The following RNF213 variants were observed in gnomAD, a reference collection of about 807,000 sequenced individuals.
The protein encoded by RNF213 is ring finger protein 213, also known as E3 ubiquitin-protein ligase RNF213.
A neutral mutation model predicts 514.4 loss-of-function variants in RNF213; 341 were observed. The ratio of observed to expected loss-of-function variants is 0.66; its 90% CI spans 0.61 to 0.73. RNF213 has a LOEUF of 0.73. RNF213 is among the 30% of genes least tolerant of loss of function. The pLI, the probability that RNF213 is intolerant of heterozygous loss-of-function variation, is 0.00. For missense variants in RNF213, 5,767 were observed against 6,615.6 expected (o/e 0.87, Z 4.45); for synonymous variants, 2,655 against 2,658.2 (o/e 1.00, Z 0.04).
At position 80,307,217 on chromosome 17, in the gene RNF213, G is replaced by A. The variant is rs1212846862; in HGVS notation, c.2501+16G>A. 1.9e-6 allele frequency: 3 copies of A among 1,613,114 alleles called. No individual in the cohort carries two copies. Among genetic ancestry groups the A allele is most frequent in the East Asian group, 2.2e-5 (1 of 44,872 alleles). On this transcript the variant is annotated intron_variant, in intron 13 of 67. Coordinates refer to ENST00000582970, the MANE Select transcript of RNF213 (RefSeq NM_001256071.3). ...ACCGGGACAAGTAAGTGGAAAGCACGATGCAGTCTCTCCCTCACATGCGGC... is the reference window on the plus strand; with the variant it reads ...ACCGGGACAAGTAAGTGGAAAGCACAATGCAGTCTCTCCCTCACATGCGGC...
Position 80,331,963 on chromosome 17 carries a change from G to C in RNF213, c.3518-43G>C, listed in dbSNP as rs1478239112. 2.0e-6 allele frequency: 3 copies of C among 1,516,016 alleles called. No individual in the cohort carries two copies. In the Admixed American group the frequency reaches 6.1e-5, roughly 31 times the overall value. The allele number at this position is 1,516,016 out of a possible 1,614,324, so 93.9% of individuals were successfully genotyped here. ...GGAAAGTGAAATAAAATGGAATCAT[G>C]ATTAGAGCTTTGACTTCTGACACTT... is the stretch of plus-strand genomic sequence containing the variant. On this transcript the variant is annotated intron_variant, in intron 20 of 67. Transcript: ENST00000582970.
chr17:80,364,086 C>A (rs2079159682), intron 41 of RNF213, among the ~76,000 whole-genome samples: 1 of 152,126 alleles, frequency 6.6e-6, no homozygotes, highest in Non-Finnish European at 1.5e-5. Context: ...AGAAAGGACA[C>A]CCCGGGCGGG....
chr17:80,381,440 C>T (rs2144598386), intron 56 of RNF213, 107 bp from the exon 57 acceptor site: 1 of 1,213,012 alleles, frequency 8.2e-7, no homozygotes, highest in Middle Eastern at 1.9e-4. Flanking sequence ...TTAGAAACCG[C>T]CTTCCGACTC....
In RNF213 at chr17:80,344,707, T is replaced by A; in HGVS notation, c.6372T>A (p.Leu2124=). Residue 2124 remains leucine (L), a synonymous_variant, in exon 29 of 68, where the codon CTT becomes CTA. Coordinates refer to ENST00000582970, the MANE Select transcript of RNF213 (RefSeq NM_001256071.3). ...LRTRVPQFSF[L]DIFPKVTCRP... ...CACGTGTACCCCAGTTCAGTTTTCTTGACATCTTCCCAAAAGTCACCTGCA... is the reference window on the plus strand; with the variant it reads ...CACGTGTACCCCAGTTCAGTTTTCTAGACATCTTCCCAAAAGTCACCTGCA... 6.2e-7 allele frequency: 1 copy of A among 1,614,114 alleles called. No individual in the cohort carries two copies. Among genetic ancestry groups the A allele is most frequent in the African/African-American group, 1.3e-5 (1 of 74,988 alleles).
At chr17:80,272,532 A>G (rs900214458) in intron 2 of RNF213, among the ~76,000 whole-genome samples, 4 of 152,190 alleles carry the variant, frequency 2.6e-5, no homozygotes, top group Admixed American at 6.5e-5. Flanking sequence ...CAAGCCTCTC[A>G]AGAGTAAACC....
chr17:80,326,844 T>C (rs1312587200), intron 18 of RNF213, among the ~76,000 whole-genome samples: 1 of 152,258 alleles, frequency 6.6e-6, no homozygotes, highest in Non-Finnish European at 1.5e-5. Flanking sequence ...TTGCAATGAT[T>C]AGTAAAGCTA....
rs1396421246 is a variant in RNF213 at position 80,347,283 on chromosome 17, T to TAAG, written c.8948_8949insAAG (p.Val2983_Leu2984insSer). On this transcript the variant is annotated inframe_insertion, in exon 29 of 68. Coordinates refer to ENST00000582970, the MANE Select transcript of RNF213 (RefSeq NM_001256071.3). The surrounding 1 kb of genome is among the most constrained non-coding windows in gnomAD (Gnocchi z 7.2). Reference sequence around the variant, plus strand: ...TCCCCGCAAGACATTGCACAGGCTGTCCTTAGGAACTTCAGTGGCAAGGAT... The same window carrying TAAG: ...TCCCCGCAAGACATTGCACAGGCTGTAAGCCTTAGGAACTTCAGTGGCAAGGAT... The TAAG allele has an allele frequency of 1.2e-6, 2 of 1,613,734 alleles. No homozygotes were observed. The highest frequency in any genetic ancestry group is 1.7e-6 in the Non-Finnish European group (2 of 1,179,982).
rs1331043931 is a variant in RNF213, at chr17:80,317,657, A to T, written c.2901+380A>T. ...AGCTGCTTTGGGAGCTGGCAGGAGCAAGCTCCGTGCAGGCCCTGCAGCAGT... is the reference window on the plus strand; with the variant it reads ...AGCTGCTTTGGGAGCTGGCAGGAGCTAGCTCCGTGCAGGCCCTGCAGCAGT... On this transcript the variant is annotated intron_variant, in intron 16 of 67. Coordinates refer to ENST00000582970, the MANE Select transcript of RNF213 (RefSeq NM_001256071.3). This position sits in a 1 kb window ranked among gnomAD's most constrained non-coding sequence, Gnocchi z 4.1. Among the ~76,000 whole-genome samples, 1 of 152,154 alleles carries T rather than the reference A, an allele frequency of 6.6e-6. No homozygotes were observed. Among genetic ancestry groups the T allele is most frequent in the Non-Finnish European group, 1.5e-5 (1 of 68,026 alleles).
At chr17:80,378,734 G>C (rs977832554) in intron 54 of RNF213, among the ~76,000 whole-genome samples, 9 of 152,176 alleles carry the variant, frequency 5.9e-5, no homozygotes, top group African/African-American at 1.7e-4. Context: ...CGCTGAAATA[G>C]AGTCTATCCA....
chr17:80,397,800 A>G lies in RNF213; in HGVS notation c.*4302A>G, dbSNP rs962702117. On this transcript the variant is annotated 3_prime_UTR_variant, in exon 68 of 68. Transcript: ENST00000582970. ...TGCTACATTTCTTGGTTCCCTGACC[A>G]GGAATCTAGGTGATTAATGGATGGT... is the stretch of plus-strand genomic sequence containing the variant. 3 of 150,890 alleles carry G rather than the reference A, an allele frequency of 2.0e-5. No homozygotes were observed. Among genetic ancestry groups the G allele is most frequent in the Non-Finnish European group, 2.9e-5 (2 of 67,896 alleles). 9.3% of individuals were successfully genotyped at this position (150,890 alleles called of 1,614,324 possible). A position where few individuals can be genotyped will look rare whatever the true frequency, so the allele number is the denominator to read the frequency against.
chr17:80,368,158 C>A lies in RNF213; in HGVS notation c.12155+15C>A, dbSNP rs756045275. The stretch of plus-strand genomic sequence containing the variant: ...CAAGCGCACAGGTACAACACCCTTT[C>A]TCTCAAGAAAGCATCCTTTTTTTCA... On this transcript the variant is annotated intron_variant, in intron 44 of 67. Transcript: ENST00000582970. The A allele has an allele frequency of 1.2e-6, 2 of 1,613,546 alleles. No homozygotes were observed. Among genetic ancestry groups the A allele is most frequent in the South Asian group, 2.2e-5 (2 of 91,076 alleles).
chr17:80,368,586 C>T (rs2079377549), intron 44 of RNF213, among the ~76,000 whole-genome samples: 1 of 152,080 alleles, frequency 6.6e-6, no homozygotes, highest in Non-Finnish European at 1.5e-5. Context: ...GCATGCACCA[C>T]CATGCCCGGC....
intron 1 of RNF213, among the ~76,000 whole-genome samples, chr17:80,262,369 G>A (rs780106402): frequency 6.6e-6 from 1 of 152,218 alleles, no homozygotes; most frequent in Non-Finnish European, 1.5e-5. Context: ...GACTGCAGAA[G>A]ACAGATGATT....
intron 17 of RNF213, chr17:80,320,776 A>G (rs566565684): frequency 2.0e-5 from 3 of 152,302 alleles, no homozygotes; most frequent in Admixed American, 2.0e-4. Context: ...GGAGTTCAAG[A>G]CAAGCCTGGG....
chr17:80,294,713 C>T lies in RNF213; in HGVS notation c.1472-7C>T, dbSNP rs774079214. ...AGGTAGGCTCTTGTTCCTTCTGTCC[C>T]TCTTAGACTGGCATCAGTACTATGA... On this transcript the variant is annotated splice_region_variant and splice_polypyrimidine_tract_variant and intron_variant, in intron 8 of 67. Coordinates refer to ENST00000582970, the MANE Select transcript of RNF213 (RefSeq NM_001256071.3). The T allele has an allele frequency of 1.2e-6, 2 of 1,613,778 alleles. No homozygotes were observed. The highest frequency in any genetic ancestry group is 8.5e-7 in the Non-Finnish European group (1 of 1,180,042).
At chr17:80,299,528 G>C (rs2045095300) in intron 11 of RNF213, among the ~76,000 whole-genome samples, 2 of 141,534 alleles carry the variant, frequency 1.4e-5, no homozygotes, top group Non-Finnish European at 3.1e-5. Context: ...AATATTACCA[G>C]AGAAAGTTTA....
rs747005197 is a variant in RNF213, at chr17:80,345,175, C to G, written c.6840C>G (p.Thr2280=). 3 of 1,614,016 alleles carry G rather than the reference C, an allele frequency of 1.9e-6. No homozygotes were observed. Among genetic ancestry groups the G allele is most frequent in the Non-Finnish European group, 2.5e-6 (3 of 1,180,040 alleles). ...AAAGCCCGGGGAAGCACATGGTCACCATGGATGGGGTTAGGGAAGAAGATC... is the reference window on the plus strand; with the variant it reads ...AAAGCCCGGGGAAGCACATGGTCACGATGGATGGGGTTAGGGAAGAAGATC... The part of the protein sequence containing the change: ...SDQSPGKHMV[T]MDGVREEDLA... The change falls in exon 29 of 68, where the codon ACC becomes ACG. Residue 2280 remains threonine (T), a synonymous_variant. Coordinates refer to ENST00000582970, the MANE Select transcript of RNF213 (RefSeq NM_001256071.3). This position sits in a 1 kb window ranked among gnomAD's most constrained non-coding sequence, Gnocchi z 6.0.
At chr17:80,328,228 C>G in intron 19 of RNF213, 100 bp from the exon 20 acceptor site, 1 of 1,360,594 alleles carries the variant, frequency 7.3e-7, no homozygotes, top group Non-Finnish European at 9.8e-7. Context: ...CCTAGTCCTT[C>G]TCCTGGTGGC....
In RNF213 at chr17:80,368,075, G is replaced by C; in HGVS notation, c.12087G>C (p.Gln4029His). 6.2e-7 allele frequency: 1 copy of C among 1,614,288 alleles called. No homozygotes were observed. Among genetic ancestry groups the C allele is most frequent in the Non-Finnish European group, 8.5e-7 (1 of 1,180,052 alleles). ...RCLRAWFASE[Q>H]MICPYCLTAL... ...TCAGGGCCTGGTTTGCCTCAGAGCAGATGATATGCCCCTACTGTTTAACTG... is the reference window on the plus strand; with the variant it reads ...TCAGGGCCTGGTTTGCCTCAGAGCACATGATATGCCCCTACTGTTTAACTG... Residue 4029 changes from glutamine to histidine, a missense_variant, in exon 44 of 68, where the codon CAG (glutamine) becomes CAC (histidine). By Grantham distance (24) the Gln-to-His change is conservative. Coordinates refer to ENST00000582970, the MANE Select transcript of RNF213 (RefSeq NM_001256071.3).
Sources: gnomAD v4.1 joint callset for allele counts (sites outside exome capture counted in the v4.1 genomes callset) on GRCh38, gnomAD v4.1.1 for gene constraint, Gnocchi (gnomAD v3.1) non-coding constraint, MANE v1.5 for transcripts, NCBI Gene and HGNC (gene_info 2026-07-23, HGNC 2026-07-21) for gene names.